Variants in SMARCAL1 observed in about 807,000 individuals in gnomAD.
The protein encoded by SMARCAL1 is ATP-driven annealing helicase.
A neutral mutation model predicts 94.5 loss-of-function variants in SMARCAL1; 58 were observed. The observed-to-expected ratio is 0.61, with a 90% CI of 0.50 to 0.76. SMARCAL1 has a LOEUF of 0.76. SMARCAL1 is among the 30% of genes least tolerant of loss of function. SMARCAL1 has a pLI of 0.00. For missense variants in SMARCAL1, 1,051 were observed against 1,177.9 expected, an observed-to-expected ratio of 0.89 and a Z score of 1.58; for synonymous variants, 422 against 455.1, an observed-to-expected ratio of 0.93 and a Z score of 0.93.
At chr2:216,426,366 T>C in intron 6 of SMARCAL1, among the ~76,000 whole-genome samples, 1 of 152,234 alleles carries the variant, frequency 6.6e-6, no homozygotes, top group East Asian at 1.9e-4. Context: ...GAGTGGTTCC[T>C]GATCTTTTGC....
At chr2:216,463,532 T>G (rs542108607) in intron 12 of SMARCAL1, among the ~76,000 whole-genome samples, 9 of 152,262 alleles carry the variant, frequency 5.9e-5, no homozygotes, top group Admixed American at 2.0e-4. Flanking sequence ...GGGACACTCT[T>G]ACCAATGATG....
chr2:216,414,684 C>A lies in SMARCAL1; in HGVS notation c.-21C>A. The A allele has an allele frequency of 6.2e-7, 1 of 1,605,826 alleles. No individual in the cohort carries two copies. Among genetic ancestry groups the A allele is most frequent in the Non-Finnish European group, 8.5e-7 (1 of 1,172,456 alleles). On this transcript the variant is annotated 5_prime_UTR_variant, in exon 3 of 18. Transcript: ENST00000357276. Reference sequence around the variant, plus strand: ...TTCCAATTAAAGGTTGACATTCCTGCATAAGCATTTCTCTGTGAAAATGTC... The same window carrying A: ...TTCCAATTAAAGGTTGACATTCCTGAATAAGCATTTCTCTGTGAAAATGTC...
chr2:216,460,538 G>T (rs1306101551), intron 12 of SMARCAL1, among the ~76,000 whole-genome samples: 6 of 152,052 alleles, frequency 3.9e-5, no homozygotes, highest in Non-Finnish European at 8.8e-5. Context: ...CCTTTGTAGG[G>T]ACATGGATGA....
Position 216,433,904 on chromosome 2 carries a change from T to A in SMARCAL1, c.1485+1036T>A, listed in dbSNP as rs141383970. ...GTCAGTCCAAGGCCCAGATGTGCTA[T>A]TCTGACCGAAGAGATGGCAAAAAAA... On this transcript the variant is annotated intron_variant, in intron 8 of 17. Transcript: ENST00000357276. 7.8e-4 allele frequency among the ~76,000 whole-genome samples: 118 copies of A among 151,294 alleles called. 2 individuals are homozygous for A. The East Asian group carries it at 0.022, about 28-fold the overall frequency.
chr2:216,424,241 G>C (rs1434488759), intron 6 of SMARCAL1, among the ~76,000 whole-genome samples: 1 of 152,228 alleles, frequency 6.6e-6, no homozygotes, highest in Admixed American at 6.5e-5. Context: ...ATAAGTGCAA[G>C]AAGAGGAAGC....
chr2:216,460,278 C>G (rs955695505), intron 12 of SMARCAL1, among the ~76,000 whole-genome samples: 1 of 152,142 alleles, frequency 6.6e-6, no homozygotes, highest in Admixed American at 6.5e-5. Flanking sequence ...GTCAGTGTGG[C>G]GATTCCTCAG....
chr2:216,421,288 T>G (rs969632789), intron 5 of SMARCAL1, among the ~76,000 whole-genome samples: 2 of 152,050 alleles, frequency 1.3e-5, no homozygotes, highest in Non-Finnish European at 2.9e-5. Context: ...ACAGAATAGT[T>G]TTGCTGTATT....
chr2:216,432,064 C>G (rs1480230854), intron 7 of SMARCAL1, among the ~76,000 whole-genome samples: 1 of 151,920 alleles, frequency 6.6e-6, no homozygotes, highest in African/African-American at 2.4e-5. Context: ...TTTTGTTGCC[C>G]AGGCTGGAGT....
At chr2:216,446,620 T>C (rs549182391) in intron 10 of SMARCAL1, 3 of 457,092 alleles carry the variant, frequency 6.6e-6, no homozygotes, top group Non-Finnish European at 1.3e-5. Context: ...TTACTCTGTG[T>C]TCTCCAGGAT....
rs1323474975 is a variant in SMARCAL1 at position 216,473,740 on chromosome 2, TATC to T, written c.2245-1526_2245-1524del. 4.6e-5 allele frequency among the ~76,000 whole-genome samples: 7 copies of T among 152,360 alleles called. No individual in the cohort carries two copies. The East Asian group carries it at 1.3e-3, about 29-fold the overall frequency. Reference sequence around the variant, plus strand: ...GATTACTAAATGTTTTTATTTTCCTTATCATGTTTATCACTAGCAAGAATAAAT... The same window carrying T: ...GATTACTAAATGTTTTTATTTTCCTTATGTTTATCACTAGCAAGAATAAAT... On this transcript the variant is annotated intron_variant, in intron 14 of 17. Coordinates refer to ENST00000357276, the MANE Select transcript of SMARCAL1 (RefSeq NM_014140.4).
chr2:216,441,690 A>T (rs1366010694), intron 10 of SMARCAL1, among the ~76,000 whole-genome samples: 1 of 152,174 alleles, frequency 6.6e-6, no homozygotes, highest in Non-Finnish European at 1.5e-5. Flanking sequence ...CTACAATCAG[A>T]ATTGCCAGGT....
chr2:216,453,421 A>G (rs905950158), intron 12 of SMARCAL1, among the ~76,000 whole-genome samples: 2 of 152,216 alleles, frequency 1.3e-5, no homozygotes, highest in Non-Finnish European at 2.9e-5. Flanking sequence ...TCCAAGTAGA[A>G]AACAGATTTG....
At chr2:216,426,820 C>A (rs1192136180) in intron 6 of SMARCAL1, among the ~76,000 whole-genome samples, 2 of 152,172 alleles carry the variant, frequency 1.3e-5, no homozygotes, top group African/African-American at 2.4e-5. Flanking sequence ...CCTTCCTCAC[C>A]CCATGCTGTC....
intron 4 of SMARCAL1, among the ~76,000 whole-genome samples, chr2:216,419,983 C>A (rs1214976798): frequency 7.6e-6 from 1 of 132,042 alleles, no homozygotes. Flanking sequence ...GAGCCATGAT[C>A]ACGGCACTGC....
At chr2:216,455,753 AAC>A (rs1399178155) in intron 12 of SMARCAL1, among the ~76,000 whole-genome samples, 1 of 152,196 alleles carries the variant, frequency 6.6e-6, no homozygotes, top group Non-Finnish European at 1.5e-5. Flanking sequence ...ATGGGGAAAA[AAC>A]AGAGCAGAAA....
chr2:216,442,292 C>T (rs1355402247), intron 10 of SMARCAL1, among the ~76,000 whole-genome samples: 1 of 151,966 alleles, frequency 6.6e-6, no homozygotes, highest in East Asian at 1.9e-4. Context: ...TGGCACACAC[C>T]TGTAATCCCA....
intron 12 of SMARCAL1, among the ~76,000 whole-genome samples, chr2:216,462,766 A>T (rs976363278): frequency 6.6e-6 from 1 of 151,876 alleles, no homozygotes; most frequent in Non-Finnish European, 1.5e-5. Context: ...TGGGAGGATT[A>T]CTTGAGCCTA....
intron 12 of SMARCAL1, among the ~76,000 whole-genome samples, chr2:216,451,767 C>CTG (rs1249775930): frequency 2.0e-5 from 3 of 151,942 alleles, no homozygotes; most frequent in African/African-American, 7.3e-5. Context: ...TAGTGTCATA[C>CTG]TGTGCTAAGT....
intron 3 of SMARCAL1, chr2:216,415,900 A>C: frequency 2.6e-6 from 1 of 381,358 alleles, no homozygotes; most frequent in South Asian, 2.5e-5. Flanking sequence ...ATTGGTCTGG[A>C]AAGGCAGCGT....
Sources: allele counts gnomAD v4.1 joint callset (sites outside exome capture counted in the v4.1 genomes callset), GRCh38; gene constraint gnomAD v4.1.1; transcripts MANE v1.5; gene names NCBI Gene and HGNC (gene_info 2026-07-23, HGNC 2026-07-21).